Variants in NPY1R observed in about 807,000 individuals in gnomAD.
NPY1R encodes the protein neuropeptide Y receptor Y1.
In NPY1R, 10 loss-of-function variants were observed where a neutral mutation model predicts 24.1. The ratio of observed to expected loss-of-function variants is 0.42; its 90% CI spans 0.26 to 0.71. The LOEUF is 0.71. Ranked by LOEUF, NPY1R falls within the 30% of genes least tolerant of loss-of-function variation. The pLI is 0.28. For synonymous variants in NPY1R, 168 were observed against 165.9 expected, an observed-to-expected ratio of 1.01 and a Z score of -0.10; for missense variants, 350 against 458.0, an observed-to-expected ratio of 0.76 and a Z score of 2.15.
At chr4:163,331,620 TTC>T (rs1326193031) in intron 1 of NPY1R, among the ~76,000 whole-genome samples, 3 of 151,860 alleles carry the variant, frequency 2.0e-5, no homozygotes, top group Non-Finnish European at 2.9e-5. Flanking sequence ...CCGAAGTCAA[TTC>T]TCTCTCTTTG....
At chr4:163,333,039 CTTTCTTTTGT>C (rs1440484920), upstream of NPY1R, 1 of 118,784 alleles carries the variant, frequency 8.4e-6, no homozygotes, top group South Asian at 3.3e-4. Flanking sequence ...TTTTCTTTTG[CTTTCTTTTGT>C]GACGCTCAAA....
chr4:163,331,347 T>G (rs937324876), intron 1 of NPY1R, among the ~76,000 whole-genome samples: 1 of 152,128 alleles, frequency 6.6e-6, no homozygotes, highest in Non-Finnish European at 1.5e-5. Flanking sequence ...GTTTTTCCTG[T>G]GCTCCAGAAG....
upstream of NPY1R, among the ~76,000 whole-genome samples, chr4:163,336,091 C>T (rs144539452): frequency 9.2e-5 from 14 of 152,286 alleles, no homozygotes; most frequent in Admixed American, 3.9e-4. Context: ...AGAAAACACA[C>T]AATACTATTT....
At chr4:163,337,654 A>G (rs975194686), upstream of NPY1R, among the ~76,000 whole-genome samples, 10 of 152,346 alleles carry the variant, frequency 6.6e-5, no homozygotes, top group Admixed American at 5.9e-4. Context: ...CATAAAATCC[A>G]TGAGTTGTAT....
rs781606902 is a variant in NPY1R at position 163,326,015 on chromosome 4, A to C, written c.540T>G (p.Thr180=). Residue 180 remains threonine, a synonymous_variant, in exon 2 of 3, where the codon ACT becomes ACG. Coordinates refer to ENST00000296533, the MANE Select transcript of NPY1R (RefSeq NM_000909.6). The part of the protein sequence containing the change: ...SLPFLIYQVM[T]DEPFQNVTLD... ...GTGTTACATTTTGGAACGGCTCATC[A>C]GTCATTACTTGGTAGATCAGGAAAG... 2 of 1,614,116 alleles carry C rather than the reference A, an allele frequency of 1.2e-6. No individual in the cohort carries two copies. The highest frequency in any genetic ancestry group is 1.3e-5 in the African/African-American group (1 of 75,058).
chr4:163,342,946 C>T lies in NPY1R; in HGVS notation c.-152+1359G>A, dbSNP rs571455607. ...GACATCTACCCAATGTCTCTTTTCT[C>T]CCTTCTCTCCTTCTCTCTCTCTCTC... On this transcript the variant is annotated intron_variant, in intron 1 of 1. Transcript: ENST00000511901. 4.9e-5 allele frequency among the ~76,000 whole-genome samples: 7 copies of T among 142,162 alleles called. No homozygotes were observed. In the East Asian group the frequency reaches 1.2e-3, roughly 24 times the overall value. The allele number at this position is 142,162 out of a possible 152,430, so 93.3% of individuals were successfully genotyped here.
Position 163,326,588 on chromosome 4 carries a change from A to G in NPY1R, c.-34T>C. ...GTTTGGTTGTTATAGATTATTTTAG[A>G]CAAATGGACAGTATGTTTCTTCAAA... On this transcript the variant is annotated 5_prime_UTR_variant, in exon 2 of 3. Transcript: ENST00000296533. 7.6e-7 allele frequency: 1 copy of G among 1,314,652 alleles called. No individual in the cohort carries two copies. Among genetic ancestry groups the G allele is most frequent in the Non-Finnish European group, 1.1e-6 (1 of 935,374 alleles). The allele number at this position is 1,314,652 out of a possible 1,614,324, so 81.4% of individuals were successfully genotyped here. A position where few individuals can be genotyped will look rare whatever the true frequency, so the allele number is the denominator to read the frequency against.
upstream of NPY1R, among the ~76,000 whole-genome samples, chr4:163,333,757 A>C (rs1734783909): frequency 6.6e-6 from 1 of 152,196 alleles, no homozygotes; most frequent in African/African-American, 2.4e-5. Flanking sequence ...GTTCAGTATA[A>C]GCTCATTTAT....
exon 1 of NPY1R, chr4:163,344,608 G>A (rs766927261): frequency 5.3e-5 from 8 of 152,244 alleles, no homozygotes; most frequent in Non-Finnish European, 8.8e-5. Context: ...TAAGGTTTGC[G>A]CTCCTGTTTG....
upstream of NPY1R, among the ~76,000 whole-genome samples, chr4:163,335,512 A>G (rs980321896): frequency 2.6e-5 from 4 of 152,226 alleles, no homozygotes; most frequent in African/African-American, 7.2e-5. Flanking sequence ...TTCTGCTACA[A>G]GAGTTAAAGT....
intron 1 of NPY1R, chr4:163,344,040 C>G (rs1735094976): frequency 6.6e-6 from 1 of 152,264 alleles, no homozygotes; most frequent in Non-Finnish European, 1.5e-5. Context: ...CCTTTCGCGC[C>G]GGGTAGGCCT....
Position 163,325,653 on chromosome 4 carries a change from C to T in NPY1R, c.805G>A (p.Val269Met). Residue 269 changes from valine to methionine, a missense_variant, in exon 3 of 3, where the codon GTG (valine) becomes ATG (methionine). Val to Met is a conservative substitution (Grantham distance 21). Transcript: ENST00000296533. ...KRINIMLLSI[V>M]VAFAVCWLPL... ...AGCCAGCAGACTGCAAATGCTACCA[C>T]AATGGAGAGCAGCATGATATTGATT... 1 of 1,607,998 alleles carries T rather than the reference C, an allele frequency of 6.2e-7. No homozygotes were observed. Among genetic ancestry groups the T allele is most frequent in the South Asian group, 1.1e-5 (1 of 91,052 alleles).
intron 1 of NPY1R, among the ~76,000 whole-genome samples, chr4:163,328,292 C>G (rs1193893204): frequency 6.6e-6 from 1 of 152,196 alleles, no homozygotes; most frequent in Admixed American, 6.5e-5. Flanking sequence ...GATAACCACA[C>G]TTTGTCTCTC....
intron 1 of NPY1R, among the ~76,000 whole-genome samples, chr4:163,329,444 T>C (rs1560857083): frequency 6.6e-6 from 1 of 151,832 alleles, no homozygotes; most frequent in Non-Finnish European, 1.5e-5. Flanking sequence ...CTACTAAAAA[T>C]ACAAAAATCA....
intron 1 of NPY1R, among the ~76,000 whole-genome samples, chr4:163,340,073 G>A (rs576185582): frequency 6.6e-5 from 10 of 151,862 alleles, no homozygotes; most frequent in South Asian, 6.2e-4. Flanking sequence ...TAAACAAACC[G>A]TTTCCCTTTC....
chr4:163,336,366 AG>A (rs1314054445), upstream of NPY1R, among the ~76,000 whole-genome samples: 1 of 152,238 alleles, frequency 6.6e-6, no homozygotes, highest in Non-Finnish European at 1.5e-5. Flanking sequence ...ATATAATGAA[AG>A]GAGCTTTGCC....
intron 1 of NPY1R, among the ~76,000 whole-genome samples, chr4:163,328,972 T>TA (rs1003741163): frequency 2.2e-4 from 34 of 152,312 alleles, no homozygotes; most frequent in African/African-American, 7.9e-4. Context: ...GTTGGAATAG[T>TA]AGGTTCTTGG....
intron 1 of NPY1R, among the ~76,000 whole-genome samples, chr4:163,328,552 G>A (rs549943730): frequency 6.6e-6 from 1 of 152,284 alleles, no homozygotes; most frequent in Non-Finnish European, 1.5e-5. Flanking sequence ...TTGTCACCAA[G>A]TACCAACAGG....
chr4:163,343,872 GC>G, intron 1 of NPY1R: 2 of 152,778 alleles, frequency 1.3e-5, no homozygotes, highest in South Asian at 4.1e-4. Context: ...TTAAACCCCC[GC>G]CCCCTCTTCC....
Sources: gnomAD v4.1 joint callset for allele counts (sites outside exome capture counted in the v4.1 genomes callset) on GRCh38, gnomAD v4.1.1 for gene constraint, MANE v1.5 for transcripts, NCBI Gene and HGNC (gene_info 2026-07-23, HGNC 2026-07-21) for gene names.